The following MALRD1 variants were observed in gnomAD, a reference collection of about 807,000 sequenced individuals.
The protein encoded by MALRD1 is MAM and LDL receptor class A domain containing 1.
Under a neutral mutation model 242.1 loss-of-function variants are expected in MALRD1, and 247 were observed. The observed-to-expected ratio is 1.02, with a 90% CI of 0.92 to 1.13. The LOEUF (loss-of-function observed/expected upper bound fraction) is 1.13, where lower values mean the gene tolerates loss of function less well. Among genes scored for constraint, MALRD1 ranks in the 50% most tolerant of loss-of-function variants. The pLI is 0.00. For missense variants in MALRD1, 2,989 were observed against 2,533.1 expected, an observed-to-expected ratio of 1.18 and a Z score of -3.86; for synonymous variants, 995 against 866.6, an observed-to-expected ratio of 1.15 and a Z score of -2.60.
chr10:19,254,690 C>T (rs1004862638), intron 18 of MALRD1, among the ~76,000 whole-genome samples: 2 of 151,518 alleles, frequency 1.3e-5, no homozygotes, highest in Non-Finnish European at 2.9e-5. Flanking sequence ...ATATTTGAGA[C>T]AGAAATTCTT....
chr10:19,086,840 A>G (rs1223632393), intron 2 of MALRD1, among the ~76,000 whole-genome samples: 2 of 152,074 alleles, frequency 1.3e-5, no homozygotes, highest in Non-Finnish European at 2.9e-5. Flanking sequence ...TCACAGGCTC[A>G]GAATGTTTCT....
Position 19,648,742 on chromosome 10 carries a change from CA to C in MALRD1, c.6137+32821del, listed in dbSNP as rs59496811. On this transcript the variant is annotated intron_variant, in intron 36 of 39. Coordinates refer to ENST00000454679, the MANE Select transcript of MALRD1 (RefSeq NM_001142308.3). Reference sequence around the variant, plus strand: ...CATCTATTTTGTATATATGCTAAAACAATTTTTTAAACTTATAGTTTTGGGA... The same window carrying C: ...CATCTATTTTGTATATATGCTAAAACATTTTTTAAACTTATAGTTTTGGGA... 2.7e-3 allele frequency among the ~76,000 whole-genome samples: 413 copies of C among 152,214 alleles called. 3 individuals are homozygous for C. Among genetic ancestry groups the C allele is most frequent in the African/African-American group, 9.6e-3 (399 of 41,544 alleles).
chr10:19,676,991 T>A (rs1842164846), intron 36 of MALRD1, among the ~76,000 whole-genome samples: 1 of 152,220 alleles, frequency 6.6e-6, no homozygotes, highest in African/African-American at 2.4e-5. Flanking sequence ...GCCAAGAACA[T>A]GATCTCATTC....
chr10:19,536,629 T>C (rs1834687523), intron 32 of MALRD1, among the ~76,000 whole-genome samples: 1 of 152,084 alleles, frequency 6.6e-6, no homozygotes, highest in African/African-American at 2.4e-5. Flanking sequence ...TTGTCTGATA[T>C]AAGTGTGCAC....
At chr10:19,295,806 T>G (rs1257683779) in intron 21 of MALRD1, among the ~76,000 whole-genome samples, 2 of 152,152 alleles carry the variant, frequency 1.3e-5, no homozygotes, top group African/African-American at 4.8e-5. Flanking sequence ...ACATCAGAAT[T>G]GCCTGGAGAT....
Position 19,497,457 on chromosome 10 carries a change from A to G in MALRD1, c.5159-1028A>G, listed in dbSNP as rs994601435. Among the ~76,000 whole-genome samples the G allele has an allele frequency of 8.6e-5, 13 of 151,776 alleles. No homozygotes were observed. The East Asian group carries it at 9.6e-4, about 11-fold the overall frequency. On this transcript the variant is annotated intron_variant, in intron 30 of 39. Transcript: ENST00000454679. ...TTGTAATTTGTAGGGATAAGATACA[A>G]TAATGCTTGAGAAGTAAAATGCTAA...
chr10:19,629,841 C>T (rs557270236), intron 36 of MALRD1, among the ~76,000 whole-genome samples: 24 of 152,300 alleles, frequency 1.6e-4, no homozygotes, highest in Admixed American at 2.0e-4. Flanking sequence ...TCCTACACAG[C>T]TTTTCTTCCT....
At chr10:19,275,049 T>A (rs1215656088) in intron 19 of MALRD1, among the ~76,000 whole-genome samples, 1 of 152,220 alleles carries the variant, frequency 6.6e-6, no homozygotes, top group African/African-American at 2.4e-5. Context: ...AGAGGAAGAA[T>A]GAGGTCTGAG....
intron 28 of MALRD1, 124 bp downstream of exon 28, chr10:19,389,733 G>A: frequency 9.9e-7 from 1 of 1,010,942 alleles, no homozygotes; most frequent in Non-Finnish European, 1.4e-6. Context: ...TCCAACTCCT[G>A]GACTCAAGCG....
intron 11 of MALRD1, among the ~76,000 whole-genome samples, chr10:19,147,610 C>T (rs771390773): frequency 2.6e-5 from 4 of 152,288 alleles, no homozygotes; most frequent in South Asian, 4.1e-4. Flanking sequence ...ATAGCATAGA[C>T]GATACCTGGA....
chr10:19,681,858 C>CTTTTTTTTTTTTTTTTTTTTTTTTTTT (rs56244200), intron 36 of MALRD1, among the ~76,000 whole-genome samples: 1 of 111,186 alleles, frequency 9.0e-6, no homozygotes, highest in Admixed American at 9.0e-5. Context: ...GGGAATGTCA[C>CTTTTTTTTTTTTTTTTTTTTTTTTTTT]TTTTTTTTTT....
chr10:19,312,049 A>G (rs1199579896), intron 21 of MALRD1, among the ~76,000 whole-genome samples: 1 of 151,360 alleles, frequency 6.6e-6, no homozygotes, highest in Non-Finnish European at 1.5e-5. Flanking sequence ...GCAGTTGCTG[A>G]TGAGCAAAGC....
intron 28 of MALRD1, among the ~76,000 whole-genome samples, chr10:19,435,552 A>G (rs994609439): frequency 6.6e-6 from 1 of 152,108 alleles, no homozygotes. Context: ...ATTAATTGGT[A>G]TTTAATCTGA....
intron 29 of MALRD1, among the ~76,000 whole-genome samples, chr10:19,456,071 A>G (rs1411775094): frequency 6.6e-6 from 1 of 152,196 alleles, no homozygotes; most frequent in Admixed American, 6.6e-5. Context: ...ATTCAATTGA[A>G]TGATGACCAG....
At chr10:19,621,354 A>C (rs531572636) in intron 36 of MALRD1, among the ~76,000 whole-genome samples, 16 of 149,108 alleles carry the variant, frequency 1.1e-4, no homozygotes, top group African/African-American at 3.9e-4. Context: ...AAATATGTAA[A>C]AAAAAAAAAA....
At chr10:19,125,032 G>A (rs1050409494) in intron 7 of MALRD1, among the ~76,000 whole-genome samples, 2 of 106,402 alleles carry the variant, frequency 1.9e-5, no homozygotes, top group Non-Finnish European at 3.5e-5. Context: ...TGCAACCCCC[G>A]CCTCCTGGGT....
At chr10:19,576,200 C>T (rs1254947105) in intron 33 of MALRD1, among the ~76,000 whole-genome samples, 1 of 152,180 alleles carries the variant, frequency 6.6e-6, no homozygotes, top group Non-Finnish European at 1.5e-5. Context: ...GAGCTATCTA[C>T]CCCTCTGACA....
chr10:19,184,602 G>T (rs932667418), intron 14 of MALRD1, among the ~76,000 whole-genome samples: 13 of 152,144 alleles, frequency 8.5e-5, no homozygotes, highest in African/African-American at 2.4e-4. Context: ...AGGCTGGGGT[G>T]CAGTGGTGCG....
At chr10:19,102,141 T>G (rs1179360691) in intron 4 of MALRD1, among the ~76,000 whole-genome samples, 1 of 145,714 alleles carries the variant, frequency 6.9e-6, no homozygotes, top group African/African-American at 2.5e-5. Flanking sequence ...ATATATTATA[T>G]AACTATGTAT....
Sources: allele counts gnomAD v4.1 joint callset (sites outside exome capture counted in the v4.1 genomes callset), GRCh38; gene constraint gnomAD v4.1.1; transcripts MANE v1.5; gene names NCBI Gene and HGNC (gene_info 2026-07-23, HGNC 2026-07-21).